The following IL19 variants were observed in gnomAD, a reference collection of about 807,000 sequenced individuals.
The protein encoded by IL19 is interleukin 19.
In IL19, 15 loss-of-function variants were observed where a neutral mutation model predicts 19.5. The observed-to-expected ratio is 0.77, with a 90% CI of 0.52 to 1.19. The LOEUF (loss-of-function observed/expected upper bound fraction) is 1.19. Among genes scored for constraint, IL19 ranks in the 50% most tolerant of loss-of-function variants. The pLI, the probability that IL19 is intolerant of heterozygous loss-of-function variation, is 0.00. For synonymous variants in IL19, 78 were observed against 78.3 expected (o/e 1.00, Z 0.02); for missense variants, 199 against 213.1 (o/e 0.93, Z 0.41).
chr1:206,780,456 A>G (rs1165169744), intron 1 of IL19, among the ~76,000 whole-genome samples: 1 of 152,234 alleles, frequency 6.6e-6, no homozygotes, highest in East Asian at 1.9e-4. Flanking sequence ...TAGAGAATGG[A>G]TTCATCTGAA....
intron 2 of IL19, among the ~76,000 whole-genome samples, chr1:206,823,765 A>C (rs1558618620): frequency 6.6e-6 from 1 of 152,190 alleles, no homozygotes; most frequent in Non-Finnish European, 1.5e-5. Context: ...TCTGGAGGTG[A>C]GGAGCCATCA....
chr1:206,807,412 T>C (rs2352793), intron 2 of IL19, among the ~76,000 whole-genome samples: 10 of 152,210 alleles, frequency 6.6e-5, no homozygotes, highest in Non-Finnish European at 1.2e-4. Context: ...TATAGTCATA[T>C]AGCCACTGAT....
intron 1 of IL19, among the ~76,000 whole-genome samples, chr1:206,774,494 C>T (rs563841118): frequency 5.3e-5 from 8 of 152,194 alleles, no homozygotes; most frequent in Non-Finnish European, 8.8e-5. Context: ...GCAGGTCTAA[C>T]CCCCTCTCTG....
intron 2 of IL19, among the ~76,000 whole-genome samples, chr1:206,799,211 G>A (rs1222573321): frequency 6.6e-6 from 1 of 152,134 alleles, no homozygotes; most frequent in Non-Finnish European, 1.5e-5. Flanking sequence ...TGGAGATGCT[G>A]AGGGTGAGTG....
At chr1:206,772,499 C>G (rs554418772) in intron 1 of IL19, 1 of 1,433,826 alleles carries the variant, frequency 7.0e-7, no homozygotes, top group African/African-American at 1.4e-5. Flanking sequence ...ATGTGTAGAC[C>G]TTCACCTCTC....
intron 2 of IL19, among the ~76,000 whole-genome samples, chr1:206,824,545 CTG>C (rs1338823847): frequency 2.0e-5 from 3 of 152,154 alleles, no homozygotes; most frequent in African/African-American, 7.2e-5. Context: ...GTATGTTATA[CTG>C]TCTGTTCCTC....
At chr1:206,820,173 C>A (rs1676259133) in intron 2 of IL19, among the ~76,000 whole-genome samples, 1 of 152,192 alleles carries the variant, frequency 6.6e-6, no homozygotes, top group Non-Finnish European at 1.5e-5. Flanking sequence ...CATGTATTTA[C>A]TGACTTTGAT....
intron 1 of IL19, among the ~76,000 whole-genome samples, chr1:206,781,897 ATATAT>A (rs1675144907): frequency 7.9e-6 from 1 of 126,508 alleles, no homozygotes; most frequent in African/African-American, 3.3e-5. Flanking sequence ...GTATATAGTT[ATATAT>A]ACATATATAT....
chr1:206,773,170 GGGGGAAGTGGGTAAGAGTAGT>G (rs1674904924), intron 1 of IL19, among the ~76,000 whole-genome samples: 1 of 152,140 alleles, frequency 6.6e-6, no homozygotes, highest in African/African-American at 2.4e-5. Context: ...AACTGTGCTT[GGGGGAAGTGGGTAAGAGTAGT>G]CTGCACTTGC....
rs11464858 is a variant in IL19, at chr1:206,781,995, T to TA, written c.-149+10917_-149+10918insA. On this transcript the variant is annotated intron_variant, in intron 1 of 6. Coordinates refer to ENST00000659997, the MANE Select transcript of IL19 (RefSeq NM_153758.5). ...TGTTATATATACATATATATGTATA[T>TA]GTTATATATACATATATATGTATAT... Among the ~76,000 whole-genome samples, 23 of 32,760 alleles carry TA rather than the reference T, an allele frequency of 7.0e-4. 1 individual carries two copies. The highest frequency in any genetic ancestry group is 1.7e-3 in the African/African-American group (20 of 11,674). 21.5% of individuals were successfully genotyped at this position (32,760 alleles called of 152,430 possible). A position where few individuals can be genotyped will look rare whatever the true frequency, so the allele number is the denominator to read the frequency against.
intron 2 of IL19, among the ~76,000 whole-genome samples, chr1:206,808,405 A>G (rs1675908754): frequency 6.6e-6 from 1 of 152,200 alleles, no homozygotes; most frequent in African/African-American, 2.4e-5. Context: ...AAGCTCTGAG[A>G]GTAGAATTAA....
chr1:206,839,656 T>A (rs544199850), intron 4 of IL19, among the ~76,000 whole-genome samples, 194 bp from the exon 5 acceptor site: 1 of 152,226 alleles, frequency 6.6e-6, no homozygotes, highest in African/African-American at 2.4e-5. Flanking sequence ...AGAACTGGAA[T>A]CTCTTCTCAC....
intron 1 of IL19, among the ~76,000 whole-genome samples, chr1:206,771,800 G>T (rs1375406383): frequency 6.6e-6 from 1 of 152,186 alleles, no homozygotes; most frequent in Non-Finnish European, 1.5e-5. Context: ...ATCCAGTTTA[G>T]CTTGGAAAGA....
chr1:206,792,689 T>C (rs1466908931), intron 1 of IL19, among the ~76,000 whole-genome samples: 1 of 152,150 alleles, frequency 6.6e-6, no homozygotes, highest in Non-Finnish European at 1.5e-5. Flanking sequence ...TCTCCTGACC[T>C]CATGATCCAC....
chr1:206,841,415 C>T (rs1283888996), intron 6 of IL19, among the ~76,000 whole-genome samples: 15 of 152,190 alleles, frequency 9.9e-5, no homozygotes, highest in Non-Finnish European at 1.6e-4. Flanking sequence ...ACGCCTGAAA[C>T]GTGTTACCTG....
intron 2 of IL19, among the ~76,000 whole-genome samples, chr1:206,804,831 A>G (rs1392170866): frequency 6.6e-6 from 1 of 152,256 alleles, no homozygotes; most frequent in Non-Finnish European, 1.5e-5. Flanking sequence ...CTCTTACCTT[A>G]TAGGAAGAGC....
At chr1:206,773,904 T>A (rs544171896) in intron 1 of IL19, among the ~76,000 whole-genome samples, 1 of 152,324 alleles carries the variant, frequency 6.6e-6, no homozygotes, top group East Asian at 1.9e-4. Flanking sequence ...TCCCTGTGTC[T>A]GTTTTTCATC....
chr1:206,840,176 G>A, intron 5 of IL19, 174 bp downstream of exon 5: 1 of 770,488 alleles, frequency 1.3e-6, no homozygotes, highest in Non-Finnish European at 2.2e-6. Context: ...TGCTTCCCCA[G>A]GGCTCCCTGC....
chr1:206,813,687 T>A (rs1313976703), intron 2 of IL19, among the ~76,000 whole-genome samples: 3 of 152,244 alleles, frequency 2.0e-5, no homozygotes, highest in Non-Finnish European at 4.4e-5. Flanking sequence ...AGTTCTCTTT[T>A]AACTTTTTTT....
Sources: allele counts gnomAD v4.1 joint callset (sites outside exome capture counted in the v4.1 genomes callset), GRCh38; gene constraint gnomAD v4.1.1; transcripts MANE v1.5; gene names NCBI Gene and HGNC (gene_info 2026-07-23, HGNC 2026-07-21).